The following SH3GL2 variants were observed in gnomAD, a reference collection of about 807,000 sequenced individuals.
SH3GL2 encodes the protein endophilin-A1.
SH3GL2 carries 24 observed loss-of-function variants against 46.0 expected under a neutral mutation model. The ratio of observed to expected loss-of-function variants is 0.52; its 90% CI spans 0.38 to 0.73. SH3GL2 has a LOEUF of 0.73. Ranked by LOEUF, SH3GL2 falls within the 30% of genes least tolerant of loss-of-function variation. The pLI, the probability that SH3GL2 is intolerant of heterozygous loss-of-function variation, is 0.00. For synonymous variants in SH3GL2, 196 were observed against 147.1 expected (o/e 1.33, Z -2.40); for missense variants, 413 against 424.2 (o/e 0.97, Z 0.23).
intron 1 of SH3GL2, among the ~76,000 whole-genome samples, chr9:17,650,471 A>G (rs564558503): frequency 1.2e-4 from 18 of 152,122 alleles, no homozygotes; most frequent in Non-Finnish European, 2.4e-4. Context: ...TTCCGGGTTC[A>G]AGCGATTCTC....
chr9:17,793,986 T>C (rs1442692159), intron 8 of SH3GL2, among the ~76,000 whole-genome samples: 3 of 152,212 alleles, frequency 2.0e-5, no homozygotes, highest in African/African-American at 7.2e-5. Context: ...CACAGAAGCA[T>C]ATGGTTAAAT....
intron 1 of SH3GL2, among the ~76,000 whole-genome samples, chr9:17,724,427 T>C (rs1821972492): frequency 6.6e-6 from 1 of 152,114 alleles, no homozygotes; most frequent in Non-Finnish European, 1.5e-5. Context: ...CCTTAGTTCT[T>C]TGGACATATT....
intron 1 of SH3GL2, among the ~76,000 whole-genome samples, chr9:17,593,315 A>T (rs1818518314): frequency 6.6e-6 from 1 of 152,078 alleles, no homozygotes; most frequent in South Asian, 2.1e-4. Context: ...CAGTTGTGGG[A>T]CCGAGCCCTC....
chr9:17,674,917 A>G (rs1485487413), intron 1 of SH3GL2, among the ~76,000 whole-genome samples: 1 of 152,100 alleles, frequency 6.6e-6, no homozygotes, highest in Non-Finnish European at 1.5e-5. Context: ...TGGCCAGTGC[A>G]AGTGACCAGA....
At chr9:17,587,811 G>C (rs1488154193) in intron 1 of SH3GL2, among the ~76,000 whole-genome samples, 1 of 152,038 alleles carries the variant, frequency 6.6e-6, no homozygotes, top group African/African-American at 2.4e-5. Context: ...GCTTGAACCT[G>C]GGAGGCAGAG....
At chr9:17,687,550 G>T (rs1367429931) in intron 1 of SH3GL2, among the ~76,000 whole-genome samples, 2 of 151,980 alleles carry the variant, frequency 1.3e-5, no homozygotes, top group African/African-American at 4.8e-5. Flanking sequence ...GCATAGTGGA[G>T]TTAAAAAAGC....
At position 17,753,588 on chromosome 9, in the gene SH3GL2, A is replaced by G. The variant is rs145170802; in HGVS notation, c.114+6454A>G. ...GCTGGATATTAGACCTTTGTTGGAT[A>G]CATAGCTTGCAAAAATTTTCTCTCA... is the stretch of plus-strand genomic sequence containing the variant. On this transcript the variant is annotated intron_variant, in intron 2 of 8. Transcript: ENST00000380607. 1.3e-3 allele frequency among the ~76,000 whole-genome samples: 202 copies of G among 152,278 alleles called. 2 individuals carry two copies. The highest frequency in any genetic ancestry group is 4.1e-3 in the African/African-American group (172 of 41,564).
intron 1 of SH3GL2, among the ~76,000 whole-genome samples, chr9:17,647,707 A>T (rs1819853463): frequency 6.6e-6 from 1 of 152,220 alleles, no homozygotes; most frequent in African/African-American, 2.4e-5. Context: ...TATAAAGATT[A>T]AAATAAATGA....
intron 1 of SH3GL2, among the ~76,000 whole-genome samples, chr9:17,641,116 T>C (rs897682452): frequency 6.6e-6 from 1 of 152,210 alleles, no homozygotes; most frequent in Admixed American, 6.5e-5. Flanking sequence ...GGAGCCTTTT[T>C]TGGGGTGGCT....
chr9:17,607,240 G>C lies in SH3GL2; in HGVS notation c.45+27953G>C, dbSNP rs990097484. Among the ~76,000 whole-genome samples, 7 of 152,306 alleles carry C rather than the reference G, an allele frequency of 4.6e-5. No homozygotes were observed. In the South Asian group the frequency reaches 1.2e-3, roughly 27 times the overall value. The stretch of plus-strand genomic sequence containing the variant: ...CTGCAAACCTAGGCTATATGATGTA[G>C]TCCATTGCTCCAAGGTAATGAACCT... On this transcript the variant is annotated intron_variant, in intron 1 of 8. Transcript: ENST00000380607.
intron 1 of SH3GL2, among the ~76,000 whole-genome samples, chr9:17,611,119 A>T (rs147814744): frequency 6.6e-6 from 1 of 152,208 alleles, no homozygotes; most frequent in Non-Finnish European, 1.5e-5. Context: ...TTTGATGTTC[A>T]TAGAGTAGAC....
chr9:17,732,266 A>C (rs1023649531), intron 1 of SH3GL2, among the ~76,000 whole-genome samples: 1 of 152,138 alleles, frequency 6.6e-6, no homozygotes, highest in Non-Finnish European at 1.5e-5. Flanking sequence ...TTTGCCCTCA[A>C]GGTTTGCCAC....
rs1823168077 is a variant in SH3GL2, at chr9:17,761,384, T to C, written c.115-53T>C. 5 of 1,138,706 alleles carry C rather than the reference T, an allele frequency of 4.4e-6. No homozygotes were observed. The Admixed American group carries it at 8.4e-5, about 19-fold the overall frequency. The allele number at this position is 1,138,706 out of a possible 1,614,324, so 70.5% of individuals were successfully genotyped here. On this transcript the variant is annotated intron_variant, in intron 2 of 8. Transcript: ENST00000380607. ...GTATACAGACTCAACCAAAAACCGG[T>C]ATTCTAAAGCTCATCATTTTTGTCA... is the stretch of plus-strand genomic sequence containing the variant.
At chr9:17,646,183 A>G (rs993040497) in intron 1 of SH3GL2, among the ~76,000 whole-genome samples, 33 of 151,546 alleles carry the variant, frequency 2.2e-4, no homozygotes, top group Non-Finnish European at 1.3e-4. Flanking sequence ...ATGCTTGTGT[A>G]TGCTTCACCA....
At chr9:17,719,094 C>T (rs1240386808) in intron 1 of SH3GL2, among the ~76,000 whole-genome samples, 1 of 152,072 alleles carries the variant, frequency 6.6e-6, no homozygotes, top group East Asian at 1.9e-4. Flanking sequence ...GAATGGGTTA[C>T]TTTTAAGCTC....
At chr9:17,669,138 A>G (rs1186223232) in intron 1 of SH3GL2, among the ~76,000 whole-genome samples, 1 of 152,154 alleles carries the variant, frequency 6.6e-6, no homozygotes, top group African/African-American at 2.4e-5. Flanking sequence ...ATTCATATGC[A>G]GTTGTAAGAA....
chr9:17,759,593 C>T (rs1179693978), intron 2 of SH3GL2, among the ~76,000 whole-genome samples: 5 of 152,090 alleles, frequency 3.3e-5, no homozygotes, highest in Admixed American at 2.6e-4. Flanking sequence ...AGTTTGTGAG[C>T]ATTGAGTGTG....
At chr9:17,788,277 A>G (rs1055579835) in intron 5 of SH3GL2, among the ~76,000 whole-genome samples, 3 of 152,146 alleles carry the variant, frequency 2.0e-5, no homozygotes, top group African/African-American at 7.2e-5. Context: ...CCTAAATCCA[A>G]AATAGAACTC....
chr9:17,746,945 C>G, intron 1 of SH3GL2, 121 bp from the exon 2 acceptor site: 1 of 666,774 alleles, frequency 1.5e-6, no homozygotes, highest in Non-Finnish European at 2.6e-6. Flanking sequence ...GACTCTCCAC[C>G]TAAGTCAGGG....
Sources: gnomAD v4.1 joint callset for allele counts (sites outside exome capture counted in the v4.1 genomes callset) on GRCh38, gnomAD v4.1.1 for gene constraint, MANE v1.5 for transcripts, NCBI Gene and HGNC (gene_info 2026-07-23, HGNC 2026-07-21) for gene names.